The following TOGARAM2 variants were observed in gnomAD, a reference collection of about 807,000 sequenced individuals.
TOGARAM2 encodes the protein TOG array regulator of axonemal microtubules 2.
In TOGARAM2, 85 loss-of-function variants were observed where a neutral mutation model predicts 93.3. The ratio of observed to expected loss-of-function variants is 0.91; its 90% confidence interval spans 0.76 to 1.09. The LOEUF (loss-of-function observed/expected upper bound fraction) is 1.09. Among genes scored for constraint, TOGARAM2 ranks in the 50% least tolerant of loss-of-function variants. TOGARAM2 has a pLI of 0.00. For synonymous variants in TOGARAM2, 593 were observed against 552.8 expected (o/e 1.07, Z -1.02); for missense variants, 1,277 against 1,334.5 (o/e 0.96, Z 0.67).
intron 8 of TOGARAM2, among the ~76,000 whole-genome samples, chr2:29,014,917 C>A (rs1328272580): frequency 6.6e-6 from 1 of 152,082 alleles, no homozygotes. Flanking sequence ...AGGTGAACTG[C>A]GCTGCGTGGT....
chr2:28,976,512 G>A (rs937403196), upstream of TOGARAM2, among the ~76,000 whole-genome samples: 1 of 152,202 alleles, frequency 6.6e-6, no homozygotes, highest in Non-Finnish European at 1.5e-5. Flanking sequence ...GGGGCAGGGA[G>A]CTGCTCTTCT....
intron 6 of TOGARAM2, among the ~76,000 whole-genome samples, chr2:29,008,967 T>A (rs954979545): frequency 4.6e-5 from 7 of 152,198 alleles, no homozygotes; most frequent in Non-Finnish European, 1.0e-4. Flanking sequence ...ATGGAGGGGA[T>A]GGAGGCTCTA....
chr2:29,011,415 C>A, intron 6 of TOGARAM2, 40 bp from the exon 7 acceptor site: 1 of 1,604,394 alleles, frequency 6.2e-7, no homozygotes, highest in Non-Finnish European at 8.5e-7. Flanking sequence ...CTCTGGCTGG[C>A]CATCCCTCAT....
At chr2:28,969,924 C>T (rs913481568) in intron 1 of TOGARAM2, among the ~76,000 whole-genome samples, 10 of 151,780 alleles carry the variant, frequency 6.6e-5, no homozygotes, top group East Asian at 1.9e-4. Flanking sequence ...GCAATGCTCC[C>T]GCCTGAGCCT....
chr2:28,993,629 A>C (rs759190063), intron 1 of TOGARAM2, among the ~76,000 whole-genome samples: 7 of 152,228 alleles, frequency 4.6e-5, no homozygotes, highest in Non-Finnish European at 7.3e-5. Flanking sequence ...AATTCTCCTC[A>C]GACAGGGAAC....
chr2:29,046,689 T>G (rs1195229888), intron 19 of TOGARAM2: 2 of 152,142 alleles, frequency 1.3e-5, no homozygotes, highest in African/African-American at 4.8e-5. Context: ...AGAATGGAGC[T>G]CAGAAAAGTG....
chr2:28,990,543 G>A (rs531721832), intron 1 of TOGARAM2, among the ~76,000 whole-genome samples: 2 of 152,310 alleles, frequency 1.3e-5, no homozygotes, highest in Non-Finnish European at 2.9e-5. Context: ...GCCTTAGGCC[G>A]CCTCCTCGGC....
At chr2:29,028,891 T>G (rs1431591991) in intron 14 of TOGARAM2, among the ~76,000 whole-genome samples, 1 of 152,144 alleles carries the variant, frequency 6.6e-6, no homozygotes, top group Non-Finnish European at 1.5e-5. Flanking sequence ...ATGAGGAATA[T>G]CAGTGGAGAA....
chr2:28,976,326 A>T (rs557948278), upstream of TOGARAM2, among the ~76,000 whole-genome samples: 1 of 152,188 alleles, frequency 6.6e-6, no homozygotes, highest in Non-Finnish European at 1.5e-5. Context: ...AGCTGAGATC[A>T]CACCACTGCA....
At chr2:29,045,541 A>G in intron 19 of TOGARAM2, 131 bp downstream of exon 19, 1 of 799,904 alleles carries the variant, frequency 1.3e-6, no homozygotes, top group Non-Finnish European at 2.1e-6. Flanking sequence ...AATTTTGAAA[A>G]TCTGCTTTTT....
intron 6 of TOGARAM2, among the ~76,000 whole-genome samples, chr2:29,006,882 T>A (rs1401344084): frequency 6.6e-6 from 1 of 152,166 alleles, no homozygotes; most frequent in Non-Finnish European, 1.5e-5. Flanking sequence ...TATCTGTGCC[T>A]CTCATGACTC....
chr2:28,970,843 A>G (rs952107449), intron 1 of TOGARAM2: 1 of 152,224 alleles, frequency 6.6e-6, no homozygotes, highest in Non-Finnish European at 1.5e-5. Flanking sequence ...ATTTATATCC[A>G]TGGTAACTGT....
intron 14 of TOGARAM2, among the ~76,000 whole-genome samples, chr2:29,029,479 G>A (rs181965346): frequency 5.3e-5 from 8 of 152,330 alleles, no homozygotes; most frequent in Admixed American, 2.6e-4. Flanking sequence ...ATAATGGGCC[G>A]GGTGCGGTGG....
At chr2:29,013,057 C>T (rs1664347539) in intron 7 of TOGARAM2, among the ~76,000 whole-genome samples, 1 of 152,198 alleles carries the variant, frequency 6.6e-6, no homozygotes, top group Admixed American at 6.5e-5. Flanking sequence ...CAGCCTCAGG[C>T]AGCCTCAGCT....
At chr2:28,990,070 G>C (rs936565303) in intron 1 of TOGARAM2, among the ~76,000 whole-genome samples, 17 of 152,208 alleles carry the variant, frequency 1.1e-4, no homozygotes, top group African/African-American at 4.1e-4. Context: ...CCCATGAGGG[G>C]AGCAGAGGTG....
rs1347397161 is a variant in TOGARAM2, at chr2:29,005,099, T to TG, written c.830+1417_830+1418insG. On this transcript the variant is annotated intron_variant, in intron 6 of 19. Coordinates refer to ENST00000379558, the MANE Select transcript of TOGARAM2 (RefSeq NM_199280.4). ...GTGCATGTGTATGTGTGAGTGCATGTTGTGAGTGCATGTGTATGGGTGTGT... is the reference window on the plus strand; with the variant it reads ...GTGCATGTGTATGTGTGAGTGCATGTGTGTGAGTGCATGTGTATGGGTGTGT... 3.7e-5 allele frequency among the ~76,000 whole-genome samples: 5 copies of TG among 135,422 alleles called. 1 individual carries two copies. The highest frequency in any genetic ancestry group is 1.4e-4 in the African/African-American group (5 of 35,264). 88.8% of individuals were successfully genotyped at this position (135,422 alleles called of 152,430 possible).
Position 28,994,502 on chromosome 2 carries a change from G to A in TOGARAM2, c.-110-223G>A, listed in dbSNP as rs144454616. The stretch of plus-strand genomic sequence containing the variant: ...GTGACAAGGGATGGCAGGTTGATGG[G>A]TTTTGTTGACACTCTTCATAACGAA... On this transcript the variant is annotated intron_variant, in intron 1 of 19. Transcript: ENST00000379558. Among the ~76,000 whole-genome samples the A allele has an allele frequency of 5.4e-3, 826 of 152,290 alleles. 11 individuals carry two copies. The highest frequency in any genetic ancestry group is 0.019 in the African/African-American group (783 of 41,540).
Position 29,014,505 on chromosome 2 carries a change from G to GC in TOGARAM2, c.990dup (p.Arg331GlnfsTer84). On this transcript the variant is annotated frameshift_variant, in exon 8 of 20. Coordinates refer to ENST00000379558, the MANE Select transcript of TOGARAM2 (RefSeq NM_199280.4). LOFTEE classifies it high-confidence loss of function. ...GCTGACAGCCTTCTCCTTTGACTGT[G>GC]CCAGAGAAGCCTGCCCTCCGCTGAA... 1.9e-6 allele frequency: 3 copies of GC among 1,580,440 alleles called. No homozygotes were observed. Among genetic ancestry groups the GC allele is most frequent in the Middle Eastern group, 1.7e-4 (1 of 6,028 alleles).
intron 3 of TOGARAM2, 28 bp downstream of exon 3, chr2:28,998,281 G>T: frequency 6.4e-7 from 1 of 1,551,106 alleles, no homozygotes; most frequent in Admixed American, 1.8e-5. Flanking sequence ...CACCTGGTCA[G>T]GGCCCCTGGC....
Sources: gnomAD v4.1 joint callset for allele counts (sites outside exome capture counted in the v4.1 genomes callset) on GRCh38, gnomAD v4.1.1 for gene constraint, MANE v1.5 for transcripts, NCBI Gene and HGNC (gene_info 2026-07-23, HGNC 2026-07-21) for gene names.